Variants in MMS22L observed in about 807,000 individuals in gnomAD.
MMS22L encodes the protein MMS22 like, DNA repair protein.
A neutral mutation model predicts 159.1 loss-of-function variants in MMS22L; 74 were observed. The ratio of observed to expected loss-of-function variants is 0.47; its 90% CI spans 0.39 to 0.56. MMS22L has a LOEUF of 0.56. MMS22L is among the 20% of genes least tolerant of loss of function. MMS22L has a pLI of 0.00. For missense variants in MMS22L, 1,351 were observed against 1,422.1 expected (o/e 0.95, Z 0.80); for synonymous variants, 517 against 506.9 (o/e 1.02, Z -0.27).
intron 14 of MMS22L, among the ~76,000 whole-genome samples, chr6:97,208,135 A>T (rs1050987453): frequency 2.6e-5 from 4 of 152,158 alleles, no homozygotes; most frequent in African/African-American, 9.7e-5. Flanking sequence ...TCATCAGATC[A>T]TTCCTTTCCT....
intron 14 of MMS22L, among the ~76,000 whole-genome samples, chr6:97,201,814 T>C (rs1197449561): frequency 6.6e-6 from 1 of 152,240 alleles, no homozygotes; most frequent in African/African-American, 2.4e-5. Flanking sequence ...GTGCAATCTA[T>C]TGCTTTAGAG....
chr6:97,192,525 A>G (rs1805997795), intron 14 of MMS22L, among the ~76,000 whole-genome samples: 1 of 152,252 alleles, frequency 6.6e-6, no homozygotes, highest in African/African-American at 2.4e-5. Flanking sequence ...AAGGCAAAAT[A>G]ATATGCACTT....
chr6:97,186,760 TG>T (rs1805288003), intron 14 of MMS22L, 70 bp from the exon 15 acceptor site: 6 of 1,203,980 alleles, frequency 5.0e-6, no homozygotes, highest in Non-Finnish European at 6.7e-6. Context: ...AAGTACATTT[TG>T]AGCTTTTTCC....
At chr6:97,255,850 G>C (rs1035483834) in intron 9 of MMS22L, among the ~76,000 whole-genome samples, 28 of 152,122 alleles carry the variant, frequency 1.8e-4, no homozygotes, top group African/African-American at 6.5e-4. Context: ...ATTTATCCCT[G>C]ATAAAGTAAA....
chr6:97,270,352 T>G (rs993901176), intron 6 of MMS22L: 5 of 445,614 alleles, frequency 1.1e-5, no homozygotes, highest in Non-Finnish European at 2.2e-5. Flanking sequence ...AGCTAGGAAA[T>G]TTTTTTTAAT....
At chr6:97,193,082 AATAAAGGTAGTT>A (rs759947663) in intron 14 of MMS22L, among the ~76,000 whole-genome samples, 22 of 152,350 alleles carry the variant, frequency 1.4e-4, no homozygotes, top group Non-Finnish European at 1.2e-4. Flanking sequence ...GTAAGTTCTT[AATAAAGGTAGTT>A]ATAAAGTAGT....
chr6:97,177,536 C>T (rs969906922), intron 18 of MMS22L, among the ~76,000 whole-genome samples: 4 of 152,074 alleles, frequency 2.6e-5, no homozygotes, highest in Non-Finnish European at 4.4e-5. Flanking sequence ...CAATGAAGAA[C>T]TTGATTTCTA....
chr6:97,262,892 G>C (rs948588643), intron 9 of MMS22L, among the ~76,000 whole-genome samples: 3 of 152,076 alleles, frequency 2.0e-5, no homozygotes, highest in African/African-American at 7.2e-5. Context: ...TGAAAATGAA[G>C]TGAAAGTTTC....
At chr6:97,242,988 T>C (rs1455262619) in intron 11 of MMS22L, among the ~76,000 whole-genome samples, 3 of 152,222 alleles carry the variant, frequency 2.0e-5, no homozygotes, top group South Asian at 2.1e-4. Context: ...TGATGCTTTC[T>C]GCCTCACAGC....
intron 16 of MMS22L, among the ~76,000 whole-genome samples, chr6:97,181,574 T>A (rs2128273886): frequency 6.6e-6 from 1 of 152,286 alleles, no homozygotes; most frequent in South Asian, 2.1e-4. Context: ...ACCAGTATCT[T>A]ACAGATTCAG....
At chr6:97,240,425 G>C (rs1171127353) in intron 11 of MMS22L, among the ~76,000 whole-genome samples, 1 of 152,132 alleles carries the variant, frequency 6.6e-6, no homozygotes, top group African/African-American at 2.4e-5. Flanking sequence ...GGTTTGCTCA[G>C]ATGTTTCCTG....
chr6:97,180,326 C>T (rs1178402300), intron 16 of MMS22L, among the ~76,000 whole-genome samples: 1 of 152,134 alleles, frequency 6.6e-6, no homozygotes, highest in Non-Finnish European at 1.5e-5. Context: ...TGGTCTCGAT[C>T]TCCTGACCTT....
At chr6:97,253,763 A>T (rs1047678526) in intron 10 of MMS22L, 8 of 152,160 alleles carry the variant, frequency 5.3e-5, no homozygotes, top group Non-Finnish European at 8.8e-5. Flanking sequence ...GCTGGACTAG[A>T]TACCTGGATT....
chr6:97,242,217 T>C (rs965117370), intron 11 of MMS22L, among the ~76,000 whole-genome samples: 3 of 152,190 alleles, frequency 2.0e-5, no homozygotes, highest in Admixed American at 6.5e-5. Flanking sequence ...CCCACTATTA[T>C]TGTGTTGCCA....
intron 16 of MMS22L, 42 bp from the exon 17 acceptor site, chr6:97,179,601 T>G (rs1804494031): frequency 6.4e-7 from 1 of 1,556,430 alleles, no homozygotes; most frequent in Non-Finnish European, 8.7e-7. Flanking sequence ...ACAAAAACGT[T>G]TCCTGAGTAT....
At chr6:97,259,569 G>A (rs945174795) in intron 9 of MMS22L, 1 of 152,056 alleles carries the variant, frequency 6.6e-6, no homozygotes, top group Non-Finnish European at 1.5e-5. Flanking sequence ...TGGCTTTCCT[G>A]GTTTGCAGAC....
chr6:97,279,124 C>A (rs1484929350), intron 3 of MMS22L, among the ~76,000 whole-genome samples: 1 of 152,168 alleles, frequency 6.6e-6, no homozygotes, highest in Non-Finnish European at 1.5e-5. Context: ...CTATTAAAGA[C>A]TGCATATATC....
chr6:97,198,439 T>G (rs1286922928), intron 14 of MMS22L, among the ~76,000 whole-genome samples: 1 of 152,166 alleles, frequency 6.6e-6, no homozygotes, highest in Non-Finnish European at 1.5e-5. Flanking sequence ...CTTTTCAAAG[T>G]CCTGACCTAC....
intron 4 of MMS22L, among the ~76,000 whole-genome samples, chr6:97,273,815 C>A (rs1815992424): frequency 6.6e-6 from 1 of 152,086 alleles, no homozygotes; most frequent in Non-Finnish European, 1.5e-5. Flanking sequence ...CTTAAACCAC[C>A]ACAATAGCAC....
Sources: gnomAD v4.1 joint callset for allele counts (sites outside exome capture counted in the v4.1 genomes callset) on GRCh38, gnomAD v4.1.1 for gene constraint, MANE v1.5 for transcripts, NCBI Gene and HGNC (gene_info 2026-07-23, HGNC 2026-07-21) for gene names.